Variants in SPATS2L observed in about 807,000 individuals in gnomAD.
SPATS2L encodes the protein spermatogenesis associated serine rich 2 like.
Under a neutral mutation model 59.6 loss-of-function variants are expected in SPATS2L, and 30 were observed. The ratio of observed to expected loss-of-function variants is 0.50; its 90% CI spans 0.38 to 0.68. The LOEUF (loss-of-function observed/expected upper bound fraction) is 0.68. Among genes scored for constraint, SPATS2L ranks in the 30% least tolerant of loss-of-function variants. The probability of loss-of-function intolerance (pLI) is 0.00; values close to 1 mark genes in which losing one functional copy is unlikely to be tolerated. For missense variants in SPATS2L, 615 were observed against 700.0 expected, an observed-to-expected ratio of 0.88 and a Z score of 1.37; for synonymous variants, 252 against 263.5, an observed-to-expected ratio of 0.96 and a Z score of 0.42.
At chr2:200,458,566 G>C (rs978953262) in intron 8 of SPATS2L, among the ~76,000 whole-genome samples, 7 of 152,124 alleles carry the variant, frequency 4.6e-5, no homozygotes, top group South Asian at 2.1e-4. Flanking sequence ...CAAAATTCAG[G>C]CTTTGCACAA....
rs2087747163 is a variant in SPATS2L, at chr2:200,480,326, CA to C, written c.*2297del. 1 of 136,850 alleles carries C rather than the reference CA, an allele frequency of 7.3e-6. No individual in the cohort carries two copies. The highest frequency in any genetic ancestry group is 2.6e-5 in the African/African-American group (1 of 38,002). The allele number at this position is 136,850 out of a possible 1,614,324, so 8.5% of individuals were successfully genotyped here. Reference sequence around the variant, plus strand: ...TGCTCAGACCTGATCACATTTTTTCCAATATTTTTTCCTTTTTTTTTTTTTT... The same window carrying C: ...TGCTCAGACCTGATCACATTTTTTCCATATTTTTTCCTTTTTTTTTTTTTT... On this transcript the variant is annotated 3_prime_UTR_variant, in exon 13 of 13. Transcript: ENST00000409140.
intron 2 of SPATS2L, among the ~76,000 whole-genome samples, chr2:200,374,391 G>T (rs986806593): frequency 1.1e-4 from 16 of 152,096 alleles, no homozygotes; most frequent in Admixed American, 9.8e-4. Flanking sequence ...CTTTGATTAA[G>T]CTCACCTAAA....
chr2:200,411,675 A>G (rs931225100), intron 3 of SPATS2L, among the ~76,000 whole-genome samples: 1 of 152,228 alleles, frequency 6.6e-6, no homozygotes, highest in African/African-American at 2.4e-5. Context: ...CGTTGAATAT[A>G]AGCTTTAACC....
intron 2 of SPATS2L, among the ~76,000 whole-genome samples, chr2:200,369,512 A>G (rs1450640247): frequency 2.0e-5 from 3 of 152,178 alleles, no homozygotes; most frequent in African/African-American, 7.2e-5. Flanking sequence ...AACCAAGAAC[A>G]AATATCAAAG....
intron 3 of SPATS2L, among the ~76,000 whole-genome samples, chr2:200,405,656 G>A (rs1394167698): frequency 6.6e-6 from 1 of 152,208 alleles, no homozygotes; most frequent in Non-Finnish European, 1.5e-5. Flanking sequence ...CAGATGAGCT[G>A]TTTTTAAGGC....
At position 200,449,681 on chromosome 2, in the gene SPATS2L, A is replaced by G. The variant is rs532237528; in HGVS notation, c.788+8897A>G. On this transcript the variant is annotated intron_variant, in intron 8 of 12. Transcript: ENST00000409140. Reference sequence around the variant, plus strand: ...ATACTAGAGTATGGTCTTTTAAAAAATATATATGCAATATAGTCTATTTTC... The same window carrying G: ...ATACTAGAGTATGGTCTTTTAAAAAGTATATATGCAATATAGTCTATTTTC... Among the ~76,000 whole-genome samples, 3 of 152,366 alleles carry G rather than the reference A, an allele frequency of 2.0e-5. No individual in the cohort carries two copies. The South Asian group carries it at 6.2e-4, about 32-fold the overall frequency.
intron 2 of SPATS2L, among the ~76,000 whole-genome samples, chr2:200,379,672 G>C (rs1208281069): frequency 6.6e-6 from 1 of 151,456 alleles, no homozygotes; most frequent in African/African-American, 2.4e-5. Flanking sequence ...TGGGATTTGG[G>C]ATTTGCCAGC....
At chr2:200,360,903 C>T (rs1305278818) in intron 2 of SPATS2L, among the ~76,000 whole-genome samples, 1 of 133,978 alleles carries the variant, frequency 7.5e-6, no homozygotes, top group Non-Finnish European at 1.5e-5. Context: ...GACCCCCCGC[C>T]CCCACCAGAG....
intron 3 of SPATS2L, among the ~76,000 whole-genome samples, chr2:200,401,503 C>T (rs985020415): frequency 4.6e-5 from 7 of 152,070 alleles, no homozygotes; most frequent in Non-Finnish European, 7.4e-5. Flanking sequence ...TATAATATTA[C>T]ATAAATAATG....
intron 1 of SPATS2L, among the ~76,000 whole-genome samples, chr2:200,325,918 G>T (rs2079721851): frequency 8.9e-6 from 1 of 112,544 alleles, no homozygotes; most frequent in African/African-American, 2.7e-5. Flanking sequence ...CTTTGACTAG[G>T]TGAGTACTTA....
At chr2:200,454,843 T>C (rs1426975405) in intron 8 of SPATS2L, among the ~76,000 whole-genome samples, 2 of 152,202 alleles carry the variant, frequency 1.3e-5, no homozygotes, top group Non-Finnish European at 2.9e-5. Context: ...AGAAAACTTT[T>C]AGTGGCCAGT....
intron 6 of SPATS2L, among the ~76,000 whole-genome samples, chr2:200,427,857 T>G (rs2083668749): frequency 1.3e-5 from 2 of 152,006 alleles, no homozygotes; most frequent in Non-Finnish European, 2.9e-5. Context: ...ATATAATAAT[T>G]ATGAGAGAAT....
intron 2 of SPATS2L, chr2:200,378,196 A>G: frequency 1.0e-6 from 1 of 1,001,656 alleles, no homozygotes. Flanking sequence ...AGATCCTGCT[A>G]CTACCCTGGT....
intron 11 of SPATS2L, 28 bp from the exon 12 acceptor site, chr2:200,472,804 C>A (rs758487830): frequency 6.3e-7 from 1 of 1,595,400 alleles, no homozygotes; most frequent in African/African-American, 1.3e-5. Flanking sequence ...AGGTGCAGCT[C>A]GTAACACTGA....
chr2:200,326,678 C>G (rs1188901416), intron 1 of SPATS2L, among the ~76,000 whole-genome samples: 1 of 152,046 alleles, frequency 6.6e-6, no homozygotes, highest in Non-Finnish European at 1.5e-5. Context: ...ATAGTAAAGA[C>G]AGTATATCTG....
At chr2:200,432,630 G>A (rs1232519581) in intron 6 of SPATS2L, among the ~76,000 whole-genome samples, 1 of 152,158 alleles carries the variant, frequency 6.6e-6, no homozygotes, top group Admixed American at 6.6e-5. Flanking sequence ...GAAGGAGCAG[G>A]AAAATGTGAC....
rs372973345 is a variant in SPATS2L at position 200,419,399 on chromosome 2, G to C, written c.348G>C (p.Ser116=). Residue 116 remains serine (S), a synonymous_variant, in exon 6 of 13, where the codon TCG becomes TCC. Coordinates refer to ENST00000409140, the MANE Select transcript of SPATS2L (RefSeq NM_001100423.2). Reference sequence around the variant, plus strand: ...TGAATGGCTGCGAGAAGGACAGCTCGTCCACAGATTCTGCTAACGAAAAAC... The same window carrying C: ...TGAATGGCTGCGAGAAGGACAGCTCCTCCACAGATTCTGCTAACGAAAAAC... ...GPMNGCEKDS[S]STDSANEKPA... The C allele has an allele frequency of 4.3e-6, 7 of 1,613,442 alleles. No homozygotes were observed. The African/African-American group carries it at 5.3e-5, about 12-fold the overall frequency.
intron 3 of SPATS2L, among the ~76,000 whole-genome samples, chr2:200,399,584 CAAAT>C (rs10590547): frequency 0.36 from 54,043 of 151,718 alleles, 9,904 homozygotes; most frequent in East Asian, 0.55. Flanking sequence ...GAAAAGCAAA[CAAAT>C]AAACTCATAA....
chr2:200,382,194 C>T (rs1252574644), intron 2 of SPATS2L, among the ~76,000 whole-genome samples: 2 of 152,126 alleles, frequency 1.3e-5, no homozygotes, highest in Admixed American at 6.5e-5. Flanking sequence ...ACCCCATCCC[C>T]CTCCCCAGTA....
Sources: allele counts gnomAD v4.1 joint callset (sites outside exome capture counted in the v4.1 genomes callset), GRCh38; gene constraint gnomAD v4.1.1; transcripts MANE v1.5; gene names NCBI Gene and HGNC (gene_info 2026-07-23, HGNC 2026-07-21).